XKR6: variants seen among roughly 807,000 people sequenced by gnomAD.
XKR6 encodes XK related 6, also known as XK-related protein 6.
A neutral mutation model predicts 56.7 loss-of-function variants in XKR6; 22 were observed. The observed-to-expected ratio is 0.39, with a 90% CI of 0.28 to 0.55. The LOEUF (loss-of-function observed/expected upper bound fraction) is 0.55. Ranked by LOEUF, XKR6 falls within the 20% of genes least tolerant of loss-of-function variation. XKR6 has a pLI of 0.66. For missense variants in XKR6, 852 were observed against 889.0 expected (o/e 0.96, Z 0.53); for synonymous variants, 524 against 387.8 (o/e 1.35, Z -4.13).
chr8:10,962,834 G>GC (rs1348627756), intron 1 of XKR6, among the ~76,000 whole-genome samples: 1 of 152,050 alleles, frequency 6.6e-6, no homozygotes, highest in Non-Finnish European at 1.5e-5. Flanking sequence ...TATTGGTCAG[G>GC]CTGGTCTCGA....
intron 1 of XKR6, among the ~76,000 whole-genome samples, chr8:11,059,411 A>G (rs1799769997): frequency 2.6e-5 from 4 of 152,174 alleles, no homozygotes; most frequent in Admixed American, 2.6e-4. Flanking sequence ...GCCCGAAGGG[A>G]GTCCCCGGCC....
chr8:11,131,822 G>A (rs541562882), intron 1 of XKR6, among the ~76,000 whole-genome samples: 3 of 152,138 alleles, frequency 2.0e-5, no homozygotes, highest in East Asian at 3.8e-4. Flanking sequence ...GTAGAGTAAC[G>A]TGCTATACAG....
chr8:11,140,672 T>C (rs916847795), intron 1 of XKR6, among the ~76,000 whole-genome samples: 2 of 151,586 alleles, frequency 1.3e-5, no homozygotes, highest in East Asian at 3.9e-4. Context: ...CTGAGGTGGG[T>C]GGGTCACGAG....
chr8:10,978,296 GT>G (rs1335692910), intron 1 of XKR6, among the ~76,000 whole-genome samples: 15 of 152,344 alleles, frequency 9.8e-5, no homozygotes, highest in African/African-American at 3.4e-4. Flanking sequence ...GGTATTTAAT[GT>G]TATGCATTAA....
chr8:11,113,201 G>A (rs1490315197), intron 1 of XKR6, among the ~76,000 whole-genome samples: 2 of 152,092 alleles, frequency 1.3e-5, no homozygotes, highest in East Asian at 1.9e-4. Context: ...ATGAAGTGGC[G>A]TAAACAACCA....
At chr8:11,007,186 T>C (rs9329234) in intron 1 of XKR6, among the ~76,000 whole-genome samples, 71,832 of 152,034 alleles carry the variant, frequency 0.47, 21,534 homozygotes, top group African/African-American at 0.85. Flanking sequence ...GAGGGATAGG[T>C]CAGGAGAGTC....
chr8:11,016,607 G>T, intron 1 of XKR6, among the ~76,000 whole-genome samples: 1 of 152,170 alleles, frequency 6.6e-6, no homozygotes, highest in Non-Finnish European at 1.5e-5. Context: ...GCTGCAGCGC[G>T]GGCCCTCGGT....
chr8:11,184,388 TACAC>T (rs6150466), intron 1 of XKR6, among the ~76,000 whole-genome samples: 2,534 of 146,212 alleles, frequency 0.017, 49 homozygotes, highest in African/African-American at 0.038. Flanking sequence ...TATACACACA[TACAC>T]ACACACACAC....
intron 1 of XKR6, among the ~76,000 whole-genome samples, chr8:11,196,568 G>A (rs903569852): frequency 2.0e-5 from 3 of 152,148 alleles, no homozygotes; most frequent in African/African-American, 7.2e-5. Context: ...TATTATCCAG[G>A]GGCCAAACTT....
At chr8:10,954,259 T>G (rs1801810126) in intron 1 of XKR6, among the ~76,000 whole-genome samples, 1 of 152,262 alleles carries the variant, frequency 6.6e-6, no homozygotes, top group African/African-American at 2.4e-5. Context: ...TCATCGTGGC[T>G]GCACCATTTT....
At chr8:10,920,606 A>C (rs1800681419) in intron 2 of XKR6, among the ~76,000 whole-genome samples, 1 of 152,234 alleles carries the variant, frequency 6.6e-6, no homozygotes, top group Non-Finnish European at 1.5e-5. Context: ...TAAGGCTTGT[A>C]CATTTCCTGC....
intron 1 of XKR6, among the ~76,000 whole-genome samples, chr8:10,950,068 G>A (rs73196845): frequency 0.071 from 10,798 of 152,222 alleles, 405 homozygotes; most frequent in Middle Eastern, 0.14. Context: ...GCCCAGGAAT[G>A]CATGCACACG....
chr8:11,071,620 GGCCCCGAGTCCATGA>G (rs1344295842), intron 1 of XKR6, among the ~76,000 whole-genome samples: 16 of 80,034 alleles, frequency 2.0e-4, no homozygotes, highest in East Asian at 1.2e-3. Context: ...CGAGTCCATG[GGCCCCGAGTCCATGA>G]GCCCCGAGTC....
chr8:11,167,490 C>T (rs1443940392), intron 1 of XKR6, among the ~76,000 whole-genome samples: 2 of 152,158 alleles, frequency 1.3e-5, no homozygotes, highest in Non-Finnish European at 2.9e-5. Context: ...TGCCCAAAAA[C>T]AATCCAGACA....
intron 1 of XKR6, chr8:11,002,442 C>T (rs1299884248): frequency 2.4e-6 from 1 of 408,728 alleles, no homozygotes; most frequent in Non-Finnish European, 5.1e-6. Context: ...ACAGTGTTTG[C>T]AGTTCTCTTC....
At chr8:11,072,907 G>C (rs1056775521) in intron 1 of XKR6, among the ~76,000 whole-genome samples, 1 of 152,110 alleles carries the variant, frequency 6.6e-6, no homozygotes, top group Non-Finnish European at 1.5e-5. Context: ...AAAATTAGCC[G>C]GGCGTGGTGG....
chr8:10,943,894 T>G (rs71518503), intron 1 of XKR6, among the ~76,000 whole-genome samples: 2 of 152,116 alleles, frequency 1.3e-5, no homozygotes, highest in African/African-American at 2.4e-5. Flanking sequence ...TGAGGACACC[T>G]TGAGGATCAG....
chr8:11,077,777 C>G (rs570045606), intron 1 of XKR6, among the ~76,000 whole-genome samples: 1 of 152,188 alleles, frequency 6.6e-6, no homozygotes, highest in Non-Finnish European at 1.5e-5. Context: ...AGTTTCTGGT[C>G]CCCATGGCAA....
intron 1 of XKR6, among the ~76,000 whole-genome samples, chr8:10,980,696 C>A (rs895588015): frequency 5.3e-5 from 8 of 152,168 alleles, no homozygotes; most frequent in Non-Finnish European, 1.2e-4. Flanking sequence ...ATCTATTGAC[C>A]TACCCAAGTT....
Sources: gnomAD v4.1 joint callset for allele counts (sites outside exome capture counted in the v4.1 genomes callset) on GRCh38, gnomAD v4.1.1 for gene constraint, MANE v1.5 for transcripts, NCBI Gene and HGNC (gene_info 2026-07-23, HGNC 2026-07-21) for gene names.